PCDH7: variants seen among roughly 807,000 people sequenced by gnomAD.
The protein encoded by PCDH7 is protocadherin 7, also known as protocadherin-7.
In PCDH7, 17 loss-of-function variants were observed where a neutral mutation model predicts 58.9. The observed-to-expected ratio is 0.29, with a 90% CI of 0.20 to 0.43. The LOEUF is 0.43. PCDH7 is among the 20% of genes least tolerant of loss of function. The pLI is 1.00. For missense variants in PCDH7, 1,274 were observed against 1,441.0 expected (o/e 0.88, Z 1.88); for synonymous variants, 664 against 616.4 (o/e 1.08, Z -1.14).
At chr4:31,116,415 A>G (rs1349536309) in intron 3 of PCDH7, among the ~76,000 whole-genome samples, 1 of 152,336 alleles carries the variant, frequency 6.6e-6, no homozygotes, top group Non-Finnish European at 1.5e-5. Context: ...AAGCCTACCA[A>G]CACATCAAAG....
At chr4:30,786,358 T>G (rs1182180295) in intron 1 of PCDH7, among the ~76,000 whole-genome samples, 1 of 152,042 alleles carries the variant, frequency 6.6e-6, no homozygotes, top group African/African-American at 2.4e-5. Context: ...CATTCTTATT[T>G]GTATTTGTAA....
intron 3 of PCDH7, among the ~76,000 whole-genome samples, chr4:30,988,433 TC>T: frequency 6.6e-6 from 1 of 152,198 alleles, no homozygotes; most frequent in Non-Finnish European, 1.5e-5. Context: ...TAAACAGAAT[TC>T]TCAGTTTATG....
At chr4:30,970,248 T>C (rs1162825842) in intron 3 of PCDH7, among the ~76,000 whole-genome samples, 2 of 152,170 alleles carry the variant, frequency 1.3e-5, no homozygotes, top group Admixed American at 6.5e-5. Flanking sequence ...AAAGTGATAG[T>C]TTTGCTTTCT....
intron 1 of PCDH7, among the ~76,000 whole-genome samples, chr4:30,748,271 T>C (rs1577643257): frequency 6.6e-6 from 1 of 152,322 alleles, no homozygotes; most frequent in East Asian, 1.9e-4. Flanking sequence ...AGGCTTGAGA[T>C]ACAGTAGGTC....
At chr4:31,104,691 C>A (rs567222925) in intron 3 of PCDH7, among the ~76,000 whole-genome samples, 2 of 152,324 alleles carry the variant, frequency 1.3e-5, no homozygotes, top group East Asian at 3.9e-4. Context: ...CTAAGAGCGA[C>A]GTGGTCTACA....
chr4:30,735,559 G>C (rs142816612), downstream of PCDH7, among the ~76,000 whole-genome samples: 21 of 152,190 alleles, frequency 1.4e-4, no homozygotes, highest in African/African-American at 4.8e-4. Flanking sequence ...AGCTCGCCAG[G>C]GTGTAAACTG....
intron 2 of PCDH7, among the ~76,000 whole-genome samples, chr4:30,941,876 C>T (rs1317425274): frequency 2.0e-5 from 3 of 151,852 alleles, no homozygotes; most frequent in Admixed American, 2.0e-4. Context: ...TCAGTATTTA[C>T]AAGGTCAGGA....
At chr4:31,023,599 A>T (rs12502649) in intron 3 of PCDH7, among the ~76,000 whole-genome samples, 14,711 of 152,168 alleles carry the variant, frequency 0.097, 1,886 homozygotes, top group African/African-American at 0.29. Context: ...AGAAACTAAA[A>T]CAACGTAAGT....
chr4:30,918,292 G>A (rs1008667082), intron 1 of PCDH7, among the ~76,000 whole-genome samples: 1 of 152,074 alleles, frequency 6.6e-6, no homozygotes, highest in Non-Finnish European at 1.5e-5. Context: ...TTTCCAAGGT[G>A]AGACCAAAAA....
chr4:30,776,388 T>G (rs958269681), intron 1 of PCDH7: 9 of 152,228 alleles, frequency 5.9e-5, no homozygotes, highest in Non-Finnish European at 7.3e-5. Context: ...TAAGCAGATT[T>G]GCTAGGAAGT....
At chr4:30,894,054 T>C (rs1738961340) in intron 1 of PCDH7, among the ~76,000 whole-genome samples, 1 of 152,122 alleles carries the variant, frequency 6.6e-6, no homozygotes, top group Admixed American at 6.6e-5. Context: ...CCCCAAATTT[T>C]CTGATAATAA....
At chr4:30,926,561 A>G (rs1466496114) in intron 2 of PCDH7, among the ~76,000 whole-genome samples, 1 of 152,240 alleles carries the variant, frequency 6.6e-6, no homozygotes, top group Non-Finnish European at 1.5e-5. Flanking sequence ...CAAATTTAGC[A>G]TTTTTAAATT....
At chr4:31,138,707 C>T (rs1033733374) in intron 3 of PCDH7, among the ~76,000 whole-genome samples, 3 of 152,050 alleles carry the variant, frequency 2.0e-5, no homozygotes, top group Non-Finnish European at 1.5e-5. Flanking sequence ...GGCTTAAAAA[C>T]TGTTACTTTC....
chr4:31,097,520 G>GAAAGAAGAAAGA lies in PCDH7; in HGVS notation c.*8-44951_*8-44950insAGAAGAAAGAAA, dbSNP rs140575023. On this transcript the variant is annotated intron_variant, in intron 3 of 3. Coordinates refer to the PCDH7 transcript ENST00000509759. ...AGAAAGAAAGAAAGAGAGAAAGAAAGAAGAAAGAAAGAAAGAAAGAAAGAT... is the reference window on the plus strand; with the variant it reads ...AGAAAGAAAGAAAGAGAGAAAGAAAGAAAGAAGAAAGAAAGAAAGAAAGAAAGAAAGAAAGAT... Among the ~76,000 whole-genome samples the GAAAGAAGAAAGA allele has an allele frequency of 1.5e-3, 182 of 123,702 alleles. 3 individuals carry two copies. Among genetic ancestry groups the GAAAGAAGAAAGA allele is most frequent in the African/African-American group, 4.1e-3 (129 of 31,416 alleles). The allele number at this position is 123,702 out of a possible 152,430, so 81.2% of individuals were successfully genotyped here.
At chr4:30,769,576 T>C (rs930069788) in intron 1 of PCDH7, among the ~76,000 whole-genome samples, 5 of 152,190 alleles carry the variant, frequency 3.3e-5, no homozygotes, top group Non-Finnish European at 4.4e-5. Flanking sequence ...ATGTTACTGT[T>C]TTAAGATACA....
intron 3 of PCDH7, among the ~76,000 whole-genome samples, chr4:31,124,070 G>A (rs1364144975): frequency 6.6e-6 from 1 of 152,092 alleles, no homozygotes; most frequent in Non-Finnish European, 1.5e-5. Flanking sequence ...GGTGTGACGG[G>A]CCAGGGTGGT....
At chr4:30,926,068 A>C (rs1024267400) in intron 2 of PCDH7, among the ~76,000 whole-genome samples, 9 of 152,224 alleles carry the variant, frequency 5.9e-5, no homozygotes, top group African/African-American at 1.9e-4. Flanking sequence ...TGAGACAATA[A>C]TATGCAATAA....
chr4:30,890,581 G>T (rs2109382738), intron 1 of PCDH7, among the ~76,000 whole-genome samples: 1 of 151,848 alleles, frequency 6.6e-6, no homozygotes, highest in African/African-American at 2.4e-5. Flanking sequence ...TCATATTTAA[G>T]AATATTTTCA....
At chr4:31,078,494 T>G (rs1759192691) in intron 3 of PCDH7, among the ~76,000 whole-genome samples, 1 of 151,526 alleles carries the variant, frequency 6.6e-6, no homozygotes, top group Non-Finnish European at 1.5e-5. Flanking sequence ...CTTTTTTTTT[T>G]TTTTGGTTTC....
Sources: allele counts gnomAD v4.1 joint callset (sites outside exome capture counted in the v4.1 genomes callset), GRCh38; gene constraint gnomAD v4.1.1; transcripts MANE v1.5; gene names NCBI Gene and HGNC (gene_info 2026-07-23, HGNC 2026-07-21).